CEP85L: variants seen among roughly 807,000 people sequenced by gnomAD.
The protein encoded by CEP85L is centrosomal protein of 85 kDa-like.
In CEP85L, 60 loss-of-function variants were observed where a neutral mutation model predicts 100.3. The ratio of observed to expected loss-of-function variants is 0.60; its 90% CI spans 0.49 to 0.74. CEP85L has a LOEUF of 0.74. Ranked by LOEUF, CEP85L falls within the 30% of genes least tolerant of loss-of-function variation. The pLI is 0.00. For synonymous variants in CEP85L, 319 were observed against 322.7 expected (o/e 0.99, Z 0.12); for missense variants, 973 against 936.2 (o/e 1.04, Z -0.51).
chr6:118,592,753 T>G (rs1291660422), intron 2 of CEP85L, among the ~76,000 whole-genome samples: 3 of 152,124 alleles, frequency 2.0e-5, no homozygotes, highest in Non-Finnish European at 4.4e-5. Flanking sequence ...AAATAAATAG[T>G]AAATGCTCAA....
At chr6:118,585,985 A>C (rs1780837744) in intron 2 of CEP85L, among the ~76,000 whole-genome samples, 1 of 152,216 alleles carries the variant, frequency 6.6e-6, no homozygotes, top group Admixed American at 6.5e-5. Flanking sequence ...TAAAAGTATT[A>C]GTTAATGAAA....
chr6:118,577,401 A>AC (rs1162574060), intron 2 of CEP85L, among the ~76,000 whole-genome samples: 1 of 151,744 alleles, frequency 6.6e-6, no homozygotes, highest in Admixed American at 6.6e-5. Flanking sequence ...AAAAAGAAGT[A>AC]CCCCCCACGG....
chr6:118,687,949 T>C (rs1776891219), intron 1 of CEP85L, among the ~76,000 whole-genome samples: 1 of 152,160 alleles, frequency 6.6e-6, no homozygotes, highest in South Asian at 2.1e-4. Flanking sequence ...GATTCCACAG[T>C]TCTCTTCCAT....
chr6:118,495,957 A>G (rs1466235153), intron 5 of CEP85L, among the ~76,000 whole-genome samples: 2 of 152,232 alleles, frequency 1.3e-5, no homozygotes, highest in Admixed American at 1.3e-4. Context: ...GATATGTCAT[A>G]CGCACTTTTA....
chr6:118,562,238 A>G (rs1426306039), intron 3 of CEP85L, among the ~76,000 whole-genome samples: 1 of 152,246 alleles, frequency 6.6e-6, no homozygotes, highest in Non-Finnish European at 1.5e-5. Flanking sequence ...TAAAAATAAG[A>G]AAACTTTCTG....
At chr6:118,558,924 G>A in intron 3 of CEP85L, 1 of 1,613,534 alleles carries the variant, frequency 6.2e-7, no homozygotes, top group Non-Finnish European at 8.5e-7. Context: ...CTGGTATCAT[G>A]GAGAAAGTCC....
chr6:118,570,958 GAATT>G (rs931657713), intron 2 of CEP85L, among the ~76,000 whole-genome samples: 38 of 151,536 alleles, frequency 2.5e-4, no homozygotes, highest in African/African-American at 8.2e-4. Flanking sequence ...AATGAAAAAA[GAATT>G]ATTTGAAAGA....
intron 3 of CEP85L, among the ~76,000 whole-genome samples, chr6:118,526,990 CCTTTA>C (rs1274434774): frequency 6.9e-6 from 1 of 144,068 alleles, no homozygotes; most frequent in Non-Finnish European, 1.5e-5. Context: ...CTGTTTCATT[CCTTTA>C]CTTTTTCTTT....
At chr6:118,700,603 C>T (rs1777374882) in intron 1 of CEP85L, among the ~76,000 whole-genome samples, 1 of 152,228 alleles carries the variant, frequency 6.6e-6, no homozygotes, top group South Asian at 2.1e-4. Context: ...ATCTTCTGCT[C>T]TTGAATTTGG....
intron 2 of CEP85L, among the ~76,000 whole-genome samples, chr6:118,624,514 TC>T (rs975213698): frequency 3.3e-5 from 5 of 152,226 alleles, no homozygotes; most frequent in Admixed American, 2.6e-4. Flanking sequence ...TCTTCATCCC[TC>T]CCCAACTGCA....
intron 2 of CEP85L, among the ~76,000 whole-genome samples, chr6:118,615,664 A>C (rs1033940481): frequency 6.6e-6 from 1 of 152,200 alleles, no homozygotes; most frequent in Non-Finnish European, 1.5e-5. Flanking sequence ...AATGTGATTA[A>C]TGGTGGGGGC....
intron 5 of CEP85L, among the ~76,000 whole-genome samples, chr6:118,501,147 C>T (rs945098772): frequency 6.6e-6 from 1 of 152,224 alleles, no homozygotes; most frequent in Non-Finnish European, 1.5e-5. Flanking sequence ...ACTGCTTTCC[C>T]TCCTACTTTG....
At chr6:118,594,724 C>T (rs1781370900) in intron 2 of CEP85L, among the ~76,000 whole-genome samples, 1 of 151,526 alleles carries the variant, frequency 6.6e-6, no homozygotes, top group East Asian at 1.9e-4. Flanking sequence ...GGTGTGGTGG[C>T]AGGCGCCTGT....
At chr6:118,691,596 G>T (rs567704797) in intron 1 of CEP85L, among the ~76,000 whole-genome samples, 1 of 145,144 alleles carries the variant, frequency 6.9e-6, no homozygotes, top group East Asian at 2.0e-4. Flanking sequence ...TTAGCCAGGC[G>T]TGGTGGCAGG....
intron 2 of CEP85L, among the ~76,000 whole-genome samples, chr6:118,575,943 A>G (rs556427400): frequency 1.3e-5 from 2 of 152,306 alleles, no homozygotes; most frequent in African/African-American, 4.8e-5. Flanking sequence ...TAGTAATAGT[A>G]GACCACCTTA....
rs1562237057 is a variant in CEP85L at position 118,533,536 on chromosome 6, G to C, written c.1021-9616C>G. On this transcript the variant is annotated intron_variant, in intron 3 of 12. Coordinates refer to ENST00000368491, the MANE Select transcript of CEP85L (RefSeq NM_001042475.3). ...TGTAGGATTCTACCAAATGTTTAAA[G>C]AATTAACACCAATCCTCCACGAACT... 1.3e-5 allele frequency among the ~76,000 whole-genome samples: 2 copies of C among 151,866 alleles called. 1 individual carries two copies. The highest frequency in any genetic ancestry group is 1.3e-4 in the Admixed American group (2 of 15,242).
intron 2 of CEP85L, among the ~76,000 whole-genome samples, chr6:118,625,511 T>C (rs1446054931): frequency 6.6e-6 from 1 of 152,154 alleles, no homozygotes; most frequent in Non-Finnish European, 1.5e-5. Context: ...ATGGAATGGG[T>C]TGCCAATTCC....
chr6:118,655,972 G>A (rs71559840), upstream of CEP85L, among the ~76,000 whole-genome samples: 30 of 152,198 alleles, frequency 2.0e-4, no homozygotes, highest in Non-Finnish European at 3.1e-4. Context: ...CAAAGCCCAT[G>A]CCTTTTCCGC....
intron 6 of CEP85L, among the ~76,000 whole-genome samples, chr6:118,489,913 CATAA>C (rs1458774317): frequency 6.6e-6 from 1 of 151,918 alleles, no homozygotes; most frequent in Non-Finnish European, 1.5e-5. Context: ...GAATGAGCAA[CATAA>C]ATGTTATATA....
Sources: gnomAD v4.1 joint callset for allele counts (sites outside exome capture counted in the v4.1 genomes callset) on GRCh38, gnomAD v4.1.1 for gene constraint, MANE v1.5 for transcripts, NCBI Gene and HGNC (gene_info 2026-07-23, HGNC 2026-07-21) for gene names.